The following ABCA13 variants were observed in gnomAD, a reference collection of about 807,000 sequenced individuals.
ABCA13 encodes ATP-binding cassette sub-family A member 13.
Under a neutral mutation model 478.7 loss-of-function variants are expected in ABCA13, and 476 were observed. That is an observed-to-expected ratio of 0.99 (90% CI 0.92 to 1.07). The LOEUF (loss-of-function observed/expected upper bound fraction) is 1.07. ABCA13 is among the 50% of genes least tolerant of loss of function. The pLI, the probability that ABCA13 is intolerant of heterozygous loss-of-function variation, is 0.00. For synonymous variants in ABCA13, 2,252 were observed against 2,158.9 expected (o/e 1.04, Z -1.20); for missense variants, 6,060 against 5,910.6 (o/e 1.03, Z -0.83).
chr7:48,507,832 C>T, intron 49 of ABCA13, 40 bp from the exon 50 acceptor site: 1 of 1,538,854 alleles, frequency 6.5e-7, no homozygotes. Context: ...GGCTTGTGTT[C>T]TTCGTCAGGT....
intron 44 of ABCA13, among the ~76,000 whole-genome samples, chr7:48,467,535 A>G (rs965624272): frequency 4.6e-5 from 7 of 152,146 alleles, no homozygotes; most frequent in African/African-American, 1.7e-4. Context: ...GGTTATTGTG[A>G]TGATCTTTCT....
chr7:48,473,171 C>G (rs142336978), intron 45 of ABCA13, among the ~76,000 whole-genome samples: 77 of 152,310 alleles, frequency 5.1e-4, no homozygotes, highest in African/African-American at 1.8e-3. Context: ...GTCCCTCCCA[C>G]AACATGTGGG....
intron 32 of ABCA13, among the ~76,000 whole-genome samples, chr7:48,368,688 T>TATATAC (rs1491130770): frequency 2.6e-4 from 3 of 11,390 alleles, no homozygotes; most frequent in African/African-American, 1.3e-3. Context: ...TGTGTATGTG[T>TATATAC]ATATATATAT....
At chr7:48,436,927 A>G (rs951541288) in intron 42 of ABCA13, among the ~76,000 whole-genome samples, 22 of 151,696 alleles carry the variant, frequency 1.5e-4, no homozygotes, top group African/African-American at 5.3e-4. Flanking sequence ...AAGACTTGTT[A>G]TGTAGTATAA....
chr7:48,623,900 T>G (rs1274473984), intron 59 of ABCA13, among the ~76,000 whole-genome samples: 3 of 152,214 alleles, frequency 2.0e-5, no homozygotes, highest in Non-Finnish European at 4.4e-5. Flanking sequence ...GCCTCACTTA[T>G]TCACCTGACT....
At chr7:48,174,168 C>T (rs1035663343) in intron 1 of ABCA13, among the ~76,000 whole-genome samples, 2 of 152,164 alleles carry the variant, frequency 1.3e-5, no homozygotes, top group African/African-American at 2.4e-5. Flanking sequence ...GAGGTGTTGG[C>T]ATGAACTGTG....
chr7:48,393,262 A>T (rs921876344), intron 38 of ABCA13, among the ~76,000 whole-genome samples: 1 of 152,230 alleles, frequency 6.6e-6, no homozygotes, highest in African/African-American at 2.4e-5. Context: ...TTCAGCAAAC[A>T]GTGGTAGTTA....
rs568995129 is a variant in ABCA13, at chr7:48,555,148, T to TA, written c.14355-25075dup. On this transcript the variant is annotated intron_variant, in intron 55 of 61. Coordinates refer to ENST00000435803, the MANE Select transcript of ABCA13 (RefSeq NM_152701.5). The stretch of plus-strand genomic sequence containing the variant: ...GATGTATCACATTGATTGATTTGTA[T>TA]ATGTTGAAACATCCTTACATCCCTA... Among the ~76,000 whole-genome samples, 284 of 152,122 alleles carry TA rather than the reference T, an allele frequency of 1.9e-3. 1 individual carries two copies. The highest frequency in any genetic ancestry group is 6.5e-3 in the African/African-American group (272 of 41,572).
intron 55 of ABCA13, among the ~76,000 whole-genome samples, chr7:48,577,892 T>C (rs996644244): frequency 6.6e-6 from 1 of 152,120 alleles, no homozygotes; most frequent in Non-Finnish European, 1.5e-5. Context: ...AAGAAGGACT[T>C]ATTCCAGATA....
At chr7:48,554,547 G>T (rs770906080) in intron 55 of ABCA13, among the ~76,000 whole-genome samples, 2 of 151,264 alleles carry the variant, frequency 1.3e-5, no homozygotes, top group African/African-American at 4.8e-5. Flanking sequence ...CACTTCTTTG[G>T]TTGGGTTAAT....
chr7:48,427,785 A>G lies in ABCA13; in HGVS notation c.12479A>G (p.Gln4160Arg). 6.2e-7 allele frequency: 1 copy of G among 1,613,442 alleles called. No individual in the cohort carries two copies. Among genetic ancestry groups the G allele is most frequent in the Non-Finnish European group, 8.5e-7 (1 of 1,179,528 alleles). Reference protein sequence around the residue: ...TLEEVFLMLLQDSNKKSHIAL... With the variant: ...TLEEVFLMLLRDSNKKSHIAL... Reference sequence around the variant, plus strand: ...CGAAAGGTGTTTTTGATGCTTTTGCAAGATTCCAACAAGAAATCTCACATT... The same window carrying G: ...CGAAAGGTGTTTTTGATGCTTTTGCGAGATTCCAACAAGAAATCTCACATT... The change falls in exon 42 of 62, where the codon CAA (glutamine) becomes CGA (arginine). Residue 4160 changes from glutamine (Q) to arginine (R), a missense_variant. By Grantham distance (43) the Gln-to-Arg change is conservative. This residue lies in a region of ABCA13 where 1,627 missense variants were observed against 1,571.0 expected (regional missense o/e 1.04). Coordinates refer to ENST00000435803, the MANE Select transcript of ABCA13 (RefSeq NM_152701.5).
chr7:48,422,844 G>A (rs1293159128), intron 41 of ABCA13, among the ~76,000 whole-genome samples: 1 of 152,240 alleles, frequency 6.6e-6, no homozygotes, highest in Non-Finnish European at 1.5e-5. Flanking sequence ...GGTCAGAGAG[G>A]AAGAAGGTGA....
intron 15 of ABCA13, among the ~76,000 whole-genome samples, chr7:48,268,667 G>A (rs1325005216): frequency 6.6e-6 from 1 of 152,044 alleles, no homozygotes; most frequent in East Asian, 1.9e-4. Flanking sequence ...CTGGACTCTG[G>A]TGCAGTCTCT....
At chr7:48,198,410 T>C (rs1188324987) in intron 3 of ABCA13, 50 bp downstream of exon 3, 23 of 1,599,592 alleles carry the variant, frequency 1.4e-5, no homozygotes, top group Non-Finnish European at 1.8e-5. Context: ...AGCTGATACA[T>C]AGAACAGGCT....
chr7:48,265,632 G>A (rs191530937), intron 15 of ABCA13, among the ~76,000 whole-genome samples: 58 of 151,398 alleles, frequency 3.8e-4, no homozygotes, highest in African/African-American at 1.4e-3. Flanking sequence ...AATTCATCTT[G>A]TATCATGCAA....
intron 20 of ABCA13, among the ~76,000 whole-genome samples, chr7:48,289,189 A>T (rs1798166036): frequency 6.6e-6 from 1 of 151,944 alleles, no homozygotes; most frequent in South Asian, 2.1e-4. Flanking sequence ...TGGCCTTTGG[A>T]GGAGTGGTGC....
intron 43 of ABCA13, among the ~76,000 whole-genome samples, chr7:48,457,341 CT>C (rs59041294): frequency 0.19 from 28,482 of 151,936 alleles, 3,079 homozygotes; most frequent in African/African-American, 0.29. Context: ...CCCTCCTCCC[CT>C]CTCTCAACTT....
intron 53 of ABCA13, among the ~76,000 whole-genome samples, chr7:48,521,001 G>A (rs62447313): frequency 0.085 from 12,887 of 152,152 alleles, 955 homozygotes; most frequent in African/African-American, 0.2. Context: ...AGGTGAGGTC[G>A]AAAGTCAGTA....
chr7:48,468,160 G>A (rs1162468781), intron 44 of ABCA13, among the ~76,000 whole-genome samples: 1 of 131,508 alleles, frequency 7.6e-6, no homozygotes, highest in Non-Finnish European at 1.7e-5. Flanking sequence ...TCCTTCCAGA[G>A]GAAAAAAACA....
Sources: allele counts gnomAD v4.1 joint callset (sites outside exome capture counted in the v4.1 genomes callset), GRCh38; gene constraint gnomAD v4.1.1; regional missense constraint gnomAD v4.1.1; transcripts MANE v1.5; gene names NCBI Gene and HGNC (gene_info 2026-07-23, HGNC 2026-07-21).